The following BCLAF3 variants were observed in gnomAD, a reference collection of about 807,000 sequenced individuals.
BCLAF3 encodes BCLAF1 and THRAP3 family member 3.
BCLAF3 carries 24 observed loss-of-function variants against 51.2 expected under a neutral mutation model. That is an observed-to-expected ratio of 0.47 (90% confidence interval 0.34 to 0.66). The LOEUF (loss-of-function observed/expected upper bound fraction) is 0.66. Ranked by LOEUF, BCLAF3 falls within the 30% of genes least tolerant of loss-of-function variation. The pLI, the probability that BCLAF3 is intolerant of heterozygous loss-of-function variation, is 0.01. For synonymous variants in BCLAF3, 152 were observed against 176.6 expected (o/e 0.86, Z 1.10); for missense variants, 465 against 525.1 (o/e 0.89, Z 1.12).
At chrX:19,966,707 A>G (rs2072072188) in intron 2 of BCLAF3, 58 bp from the exon 3 acceptor site, 2 of 1,008,814 alleles carry the variant, frequency 2.0e-6, no homozygotes, top group Non-Finnish European at 2.7e-6. Context: ...GTGTCTCAAT[A>G]TGACCTACCA....
chrX:19,929,754 A>C (rs947568123), intron 11 of BCLAF3, 31 bp downstream of exon 11: 2 of 1,159,232 alleles, frequency 1.7e-6, no homozygotes, highest in African/African-American at 1.8e-5. Flanking sequence ...AAAGTCACTA[A>C]ACATTTTTAA....
chrX:19,945,559 G>A (rs2071243259), intron 8 of BCLAF3, among the ~76,000 whole-genome samples: 1 of 81,620 alleles, frequency 1.2e-5, no homozygotes, highest in South Asian at 4.1e-4. Flanking sequence ...TGCCCCTGCT[G>A]GGGGGTGCCT....
intron 4 of BCLAF3, among the ~76,000 whole-genome samples, chrX:19,958,735 C>G (rs1010444904): frequency 1.8e-5 from 2 of 112,277 alleles, no homozygotes; most frequent in African/African-American, 3.2e-5. Flanking sequence ...TAAATACACT[C>G]TATGATCTTC....
chrX:19,969,418 C>T (rs1452400249), intron 2 of BCLAF3, among the ~76,000 whole-genome samples: 3 of 112,161 alleles, frequency 2.7e-5, no homozygotes, highest in African/African-American at 9.7e-5. Flanking sequence ...GCCTTTGCTC[C>T]TGCTCTCCCC....
intron 11 of BCLAF3, among the ~76,000 whole-genome samples, chrX:19,919,881 G>T (rs986779838): frequency 2.8e-5 from 3 of 106,469 alleles, no homozygotes; most frequent in Non-Finnish European, 5.8e-5. Flanking sequence ...AAAAAAAAAG[G>T]TTGTACAGAA....
At chrX:19,967,599 G>T (rs2072103876) in intron 2 of BCLAF3, among the ~76,000 whole-genome samples, 1 of 111,347 alleles carries the variant, frequency 9.0e-6, no homozygotes, top group Non-Finnish European at 1.9e-5. Flanking sequence ...CACTATCTGG[G>T]ACACAATAAA....
rs2070908833 is a variant in BCLAF3 at position 19,939,394 on chromosome X, G to A, written c.1746-1862C>T. Among the ~76,000 whole-genome samples, 3 of 111,869 alleles carry A rather than the reference G, an allele frequency of 2.7e-5. No individual in the cohort carries two copies. In the Admixed American group the frequency reaches 2.9e-4, roughly 11 times the overall value. ...ATATCTGATGAGGGAGCTGTATCCAGAATATATAAAGAACTCCTACACCTC... is the reference window on the plus strand; with the variant it reads ...ATATCTGATGAGGGAGCTGTATCCAAAATATATAAAGAACTCCTACACCTC... On this transcript the variant is annotated intron_variant, in intron 8 of 11. Transcript: ENST00000379682.
In BCLAF3 at chrX:19,966,466, T is replaced by C. The variant is rs1267520158; in HGVS notation, c.225A>G (p.Glu75=). The change falls in exon 3 of 12, where the codon GAA becomes GAG. Residue 75 remains glutamate (E), a synonymous_variant. Coordinates refer to ENST00000379682, the MANE Select transcript of BCLAF3 (RefSeq NM_001367774.2). Reference sequence around the variant, plus strand: ...TTATGTTAGGGGAAGGTGATCTATGTTCATAAGACTGGTAATATATATTTC... The same window carrying C: ...TTATGTTAGGGGAAGGTGATCTATGCTCATAAGACTGGTAATATATATTTC... ...SRGNIYYQSY[E]HRSPSPNIRN... is the part of the protein sequence containing the mutation. 13 of 1,209,644 alleles carry C rather than the reference T, an allele frequency of 1.1e-5. No individual in the cohort carries two copies. Among genetic ancestry groups the C allele is most frequent in the Non-Finnish European group, 1.5e-5 (13 of 895,056 alleles).
intron 1 of BCLAF3, among the ~76,000 whole-genome samples, chrX:19,990,464 G>T (rs933177055): frequency 1.4e-4 from 16 of 114,035 alleles, no homozygotes; most frequent in South Asian, 3.5e-4. Flanking sequence ...ACAAAGCGGG[G>T]TACGGGGGGG....
intron 8 of BCLAF3, among the ~76,000 whole-genome samples, chrX:19,939,411 C>T (rs969620743): frequency 1.8e-5 from 2 of 111,651 alleles, no homozygotes; most frequent in South Asian, 3.6e-4. Flanking sequence ...TAAAGAACTC[C>T]TACACCTCAA....
In BCLAF3 at chrX:19,945,526, C is replaced by A. The variant is rs769082748; in HGVS notation, c.1745+5227G>T. On this transcript the variant is annotated intron_variant, in intron 8 of 11. Coordinates refer to ENST00000379682, the MANE Select transcript of BCLAF3 (RefSeq NM_001367774.2). ...CCTCAGCTGCAGGTCTGTTGGAATA[C>A]CCTGCCGTGTGAGGTGTCAGTGTGC... is the stretch of plus-strand genomic sequence containing the variant. Among the ~76,000 whole-genome samples the A allele has an allele frequency of 1.1e-3, 103 of 91,594 alleles. 1 individual carries two copies. The East Asian group carries it at 0.014, about 12-fold the overall frequency. 79.5% of individuals were successfully genotyped at this position (91,594 alleles called of 115,157 possible).
intron 11 of BCLAF3, chrX:19,923,481 C>A: frequency 7.5e-6 from 1 of 132,835 alleles, no homozygotes; most frequent in Non-Finnish European, 1.6e-5. Context: ...GAGATGTAAT[C>A]CATAGACTAT....
chrX:19,975,175 T>C (rs1276724258), intron 1 of BCLAF3, among the ~76,000 whole-genome samples: 1 of 109,782 alleles, frequency 9.1e-6, no homozygotes, highest in African/African-American at 3.3e-5. Flanking sequence ...AGCTGCTTGA[T>C]AGATAAGAGA....
chrX:19,985,779 CAAAAA>C (rs1351233475), intron 1 of BCLAF3, among the ~76,000 whole-genome samples: 1 of 108,904 alleles, frequency 9.2e-6, no homozygotes, highest in East Asian at 2.8e-4. Context: ...CTTGTCTCTA[CAAAAA>C]AAAATTATCA....
chrX:19,978,139 T>C (rs2072487827), intron 1 of BCLAF3, among the ~76,000 whole-genome samples: 1 of 112,452 alleles, frequency 8.9e-6, no homozygotes, highest in Non-Finnish European at 1.9e-5. Context: ...TAACACAGCA[T>C]TCATTCTGTA....
At chrX:19,933,768 CT>C (rs1167586923) in intron 10 of BCLAF3, among the ~76,000 whole-genome samples, 3 of 109,499 alleles carry the variant, frequency 2.7e-5, no homozygotes, top group African/African-American at 6.6e-5. Flanking sequence ...AAAATATTTC[CT>C]TTTTTTTTCT....
intron 4 of BCLAF3, 141 bp downstream of exon 4, chrX:19,964,903 C>CTT: frequency 8.2e-6 from 4 of 485,654 alleles, no homozygotes; most frequent in Non-Finnish European, 9.5e-6. Context: ...CACTACAGGG[C>CTT]TTTTTTTTTG....
At chrX:19,971,899 T>C (rs756004064) in intron 1 of BCLAF3, among the ~76,000 whole-genome samples, 1 of 112,327 alleles carries the variant, frequency 8.9e-6, no homozygotes, top group East Asian at 2.8e-4. Context: ...CACCCACAGA[T>C]ACAAAAAGTA....
At chrX:19,917,485 G>A in intron 11 of BCLAF3, 151 bp from the exon 12 acceptor site, 1 of 483,336 alleles carries the variant, frequency 2.1e-6, no homozygotes, top group East Asian at 3.5e-5. Context: ...GAACCCCAAA[G>A]GCGCAAAGTA....
Sources: allele counts gnomAD v4.1 joint callset (sites outside exome capture counted in the v4.1 genomes callset), GRCh38; gene constraint gnomAD v4.1.1; transcripts MANE v1.5; gene names NCBI Gene and HGNC (gene_info 2026-07-23, HGNC 2026-07-21).